PDILT: variants seen among roughly 807,000 people sequenced by gnomAD.
PDILT encodes protein disulfide isomerase like, testis expressed, also known as protein disulfide-isomerase-like protein of the testis.
PDILT carries 43 observed loss-of-function variants against 53.7 expected under a neutral mutation model. The observed-to-expected ratio is 0.80, with a 90% CI of 0.63 to 1.03. The LOEUF (loss-of-function observed/expected upper bound fraction) is 1.03. PDILT is among the 50% of genes least tolerant of loss of function. PDILT has a pLI of 0.00. For synonymous variants in PDILT, 282 were observed against 274.2 expected (o/e 1.03, Z -0.28); for missense variants, 727 against 712.3 (o/e 1.02, Z -0.24).
At chr16:20,389,638 G>A (rs1441462023) in intron 2 of PDILT, among the ~76,000 whole-genome samples, 1 of 152,166 alleles carries the variant, frequency 6.6e-6, no homozygotes, top group African/African-American at 2.4e-5. Context: ...GGCCATGTTA[G>A]AATAGGCAAT....
intron 3 of PDILT, among the ~76,000 whole-genome samples, chr16:20,382,835 A>T (rs1441186940): frequency 6.6e-6 from 1 of 152,220 alleles, no homozygotes; most frequent in African/African-American, 2.4e-5. Flanking sequence ...ATTTGGATGC[A>T]GAGGGGAGTG....
At chr16:20,376,382 A>T (rs1191874604) in intron 3 of PDILT, among the ~76,000 whole-genome samples, 181 bp from the exon 4 acceptor site, 1 of 152,220 alleles carries the variant, frequency 6.6e-6, no homozygotes, top group Non-Finnish European at 1.5e-5. Flanking sequence ...CATTAACAAC[A>T]GCAGCTAAAT....
chr16:20,401,982 G>T (rs1298309490), intron 1 of PDILT, among the ~76,000 whole-genome samples: 1 of 152,228 alleles, frequency 6.6e-6, no homozygotes, highest in Non-Finnish European at 1.5e-5. Flanking sequence ...CCACTGGCTA[G>T]TGAGCAGAGC....
At chr16:20,361,858 C>T (rs553757568) in intron 10 of PDILT, among the ~76,000 whole-genome samples, 10 of 152,310 alleles carry the variant, frequency 6.6e-5, no homozygotes, top group African/African-American at 2.4e-4. Context: ...TTGCATTCAT[C>T]CATACTCTTC....
intron 2 of PDILT, among the ~76,000 whole-genome samples, chr16:20,387,611 C>CTTTTCTT (rs570187909): frequency 1.1e-4 from 17 of 151,994 alleles, no homozygotes; most frequent in African/African-American, 3.9e-4. Context: ...TACTCTTTTT[C>CTTTTCTT]TTTTCTTTTT....
At chr16:20,386,646 G>T (rs375943834) in intron 2 of PDILT, among the ~76,000 whole-genome samples, 40 of 152,314 alleles carry the variant, frequency 2.6e-4, no homozygotes, top group East Asian at 5.8e-4. Context: ...CGGGGACTTT[G>T]TGCCTCCCTC....
chr16:20,369,570 C>T lies in PDILT; in HGVS notation c.1038G>A (p.Arg346=). Residue 346 remains arginine (R), a synonymous_variant, in exon 8 of 12, where the codon AGG becomes AGA. Transcript: ENST00000302451. ...VQILNLSSDA[R]YKMPSDDITY... The stretch of plus-strand genomic sequence containing the variant: ...TTATGTCATCTGAAGGCATTTTGTA[C>T]CTGGCGTCAGAGCTCAAGTTTAGGA... 6.2e-7 allele frequency: 1 copy of T among 1,614,192 alleles called. No individual in the cohort carries two copies. Among genetic ancestry groups the T allele is most frequent in the Non-Finnish European group, 8.5e-7 (1 of 1,180,040 alleles).
intron 4 of PDILT, among the ~76,000 whole-genome samples, chr16:20,375,519 C>T (rs536802581): frequency 2.0e-4 from 30 of 152,170 alleles, no homozygotes; most frequent in African/African-American, 6.5e-4. Context: ...TCTCCTAAAG[C>T]AAAAACAATT....
chr16:20,368,078 A>G (rs774984346), intron 8 of PDILT, among the ~76,000 whole-genome samples: 1 of 152,164 alleles, frequency 6.6e-6, no homozygotes, highest in Admixed American at 6.5e-5. Flanking sequence ...AAGGATGAGG[A>G]ATCGTAGCCA....
chr16:20,366,836 G>A (rs765156407), intron 8 of PDILT, among the ~76,000 whole-genome samples: 8 of 151,752 alleles, frequency 5.3e-5, no homozygotes, highest in African/African-American at 7.3e-5. Context: ...TTCTCCCCCC[G>A]TCCCCTCCCA....
At chr16:20,373,528 G>T (rs1378196264) in intron 5 of PDILT, among the ~76,000 whole-genome samples, 1 of 152,160 alleles carries the variant, frequency 6.6e-6, no homozygotes, top group Non-Finnish European at 1.5e-5. Flanking sequence ...TTCTCTGATA[G>T]GTGTTAAATC....
intron 5 of PDILT, 21 bp downstream of exon 5, chr16:20,374,801 G>C (rs970890913): frequency 1.2e-6 from 2 of 1,602,162 alleles, no homozygotes; most frequent in Admixed American, 3.5e-5. Flanking sequence ...CCTCTCACTA[G>C]CAATAGGATC....
intron 2 of PDILT, among the ~76,000 whole-genome samples, chr16:20,387,971 A>G (rs1171512310): frequency 3.3e-5 from 5 of 152,208 alleles, no homozygotes; most frequent in Non-Finnish European, 5.9e-5. Context: ...ACAGTAATCC[A>G]GGCAAGAGAT....
At chr16:20,395,394 T>C (rs1328336038) in intron 2 of PDILT, among the ~76,000 whole-genome samples, 1 of 152,204 alleles carries the variant, frequency 6.6e-6, no homozygotes, top group African/African-American at 2.4e-5. Flanking sequence ...TGTTTGCCCA[T>C]CCCTTTTTAT....
chr16:20,384,959 G>T, intron 2 of PDILT, 108 bp from the exon 3 acceptor site: 2 of 992,580 alleles, frequency 2.0e-6, no homozygotes, highest in South Asian at 1.4e-5. Context: ...CTTGTGCTCA[G>T]CGGTTAATGG....
intron 1 of PDILT, among the ~76,000 whole-genome samples, chr16:20,401,961 G>A (rs1303095133): frequency 6.6e-6 from 1 of 152,224 alleles, no homozygotes. Context: ...CAACAGGACG[G>A]AGATCAAGCC....
At chr16:20,360,478 G>T in intron 11 of PDILT, 90 bp downstream of exon 11, 1 of 1,201,782 alleles carries the variant, frequency 8.3e-7, no homozygotes, top group Non-Finnish European at 1.2e-6. Flanking sequence ...CAAGATTATG[G>T]AACTCCAGCC....
chr16:20,368,447 T>C (rs751498069), intron 8 of PDILT, among the ~76,000 whole-genome samples: 3 of 152,040 alleles, frequency 2.0e-5, no homozygotes, highest in South Asian at 4.2e-4. Flanking sequence ...CCCATGAAAA[T>C]GCTGTGCACA....
At chr16:20,363,727 T>G (rs148836394) in intron 9 of PDILT, among the ~76,000 whole-genome samples, 1 of 152,172 alleles carries the variant, frequency 6.6e-6, no homozygotes, top group Admixed American at 6.5e-5. Context: ...TAATTACATG[T>G]CATGTTATTA....
Sources: gnomAD v4.1 joint callset for allele counts (sites outside exome capture counted in the v4.1 genomes callset) on GRCh38, gnomAD v4.1.1 for gene constraint, MANE v1.5 for transcripts, NCBI Gene and HGNC (gene_info 2026-07-23, HGNC 2026-07-21) for gene names.